Variants in NF1 observed in about 807,000 individuals in gnomAD.
NF1 encodes the protein neurofibromin.
NF1 carries 122 observed loss-of-function variants against 325.7 expected under a neutral mutation model. The observed-to-expected ratio is 0.37, with a 90% CI of 0.32 to 0.44. NF1 has a LOEUF of 0.44. NF1 is among the 20% of genes least tolerant of loss of function. NF1 has a pLI of 1.00. For missense variants in NF1, 2,140 were observed against 3,415.4 expected, an observed-to-expected ratio of 0.63 and a Z score of 9.31; for synonymous variants, 1,091 against 1,186.0, an observed-to-expected ratio of 0.92 and a Z score of 1.65.
rs2067089793 is a variant in NF1 at position 31,230,252 on chromosome 17, C to G, written c.2991-8C>G. 2 of 1,611,168 alleles carry G rather than the reference C, an allele frequency of 1.2e-6. No individual in the cohort carries two copies. The highest frequency in any genetic ancestry group is 8.5e-7 in the Non-Finnish European group (1 of 1,178,266). On this transcript the variant is annotated splice_region_variant and splice_polypyrimidine_tract_variant and intron_variant, in intron 22 of 57. Transcript: ENST00000358273. Reference sequence around the variant, plus strand: ...GATAATTTTTTTATTGTTTCTATGTCTATATAGGTATGTTCGTGTGCTTGG... The same window carrying G: ...GATAATTTTTTTATTGTTTCTATGTGTATATAGGTATGTTCGTGTGCTTGG...
At chr17:31,255,454 A>G (rs2067567723) in intron 31 of NF1, among the ~76,000 whole-genome samples, 1 of 152,168 alleles carries the variant, frequency 6.6e-6, no homozygotes, top group African/African-American at 2.4e-5. Context: ...TTGACTTACG[A>G]AACTTGTTAT....
Position 31,376,422 on chromosome 17 carries a change from G to A in NF1, c.*2267G>A, listed in dbSNP as rs1287148731. On this transcript the variant is annotated 3_prime_UTR_variant, in exon 58 of 58. Transcript: ENST00000358273. ...CAGCATTGGCACAAATCAAAATTCAGCCGCCTTTGAAATGCAAAAATACCT... is the reference window on the plus strand; with the variant it reads ...CAGCATTGGCACAAATCAAAATTCAACCGCCTTTGAAATGCAAAAATACCT... 2 of 232,556 alleles carry A rather than the reference G, an allele frequency of 8.6e-6. No individual in the cohort carries two copies. Among genetic ancestry groups the A allele is most frequent in the Non-Finnish European group, 8.5e-6 (1 of 117,736 alleles). The allele number at this position is 232,556 out of a possible 1,614,324, so 14.4% of individuals were successfully genotyped here. A position where few individuals can be genotyped will look rare whatever the true frequency, so the allele number is the denominator to read the frequency against.
intron 1 of NF1, among the ~76,000 whole-genome samples, chr17:31,098,421 A>G (rs1004467692): frequency 2.0e-5 from 3 of 151,838 alleles, no homozygotes; most frequent in African/African-American, 2.4e-5. Flanking sequence ...CTGGAGTGCA[A>G]TGATGCGACC....
chr17:31,176,995 T>C (rs2066035481), intron 5 of NF1, among the ~76,000 whole-genome samples: 1 of 152,196 alleles, frequency 6.6e-6, no homozygotes, highest in Non-Finnish European at 1.5e-5. Context: ...CGGGCTCTTT[T>C]CTGGTTTCAT....
intron 36 of NF1, among the ~76,000 whole-genome samples, chr17:31,321,313 A>G (rs568076124): frequency 1.3e-5 from 2 of 152,298 alleles, no homozygotes; most frequent in South Asian, 2.1e-4. Context: ...GGCGATGGCA[A>G]ATTTTTTCAT....
chr17:31,182,951 G>A (rs531871966), intron 8 of NF1: 298 of 589,208 alleles, frequency 5.1e-4, no homozygotes, highest in African/African-American at 5.0e-3. Context: ...ATTATTAAAC[G>A]TAGTTTCTCT....
Position 31,281,123 on chromosome 17 carries a change from C to T in NF1, c.4835+15784C>T, listed in dbSNP as rs543671319. Among the ~76,000 whole-genome samples, 26 of 152,266 alleles carry T rather than the reference C, an allele frequency of 1.7e-4. No individual in the cohort carries two copies. The South Asian group carries it at 3.5e-3, about 21-fold the overall frequency. ...TCTTCATAATCTGTTATACAGCTCA[C>T]CTTACTTGCACGATTGCTGAGCCAA... is the stretch of plus-strand genomic sequence containing the variant. On this transcript the variant is annotated intron_variant, in intron 36 of 57. Coordinates refer to ENST00000358273, the MANE Select transcript of NF1 (RefSeq NM_001042492.3).
chr17:31,099,094 C>T (rs1230600816), intron 1 of NF1, among the ~76,000 whole-genome samples: 1 of 152,032 alleles, frequency 6.6e-6, no homozygotes, highest in Non-Finnish European at 1.5e-5. Context: ...CTTAACGCCC[C>T]CAGGGAGCAT....
At chr17:31,160,353 C>G (rs2065741410) in intron 3 of NF1, among the ~76,000 whole-genome samples, 1 of 152,104 alleles carries the variant, frequency 6.6e-6, no homozygotes. Flanking sequence ...CTCCCAAACT[C>G]CTGGGATTAC....
chr17:31,365,826 G>A (rs893284364), intron 57 of NF1, among the ~76,000 whole-genome samples: 1 of 152,090 alleles, frequency 6.6e-6, no homozygotes, highest in African/African-American at 2.4e-5. Flanking sequence ...AGTTCAAAGG[G>A]ACATTTGTGT....
At chr17:31,208,849 C>T (rs2066670773) in intron 12 of NF1, among the ~76,000 whole-genome samples, 1 of 152,066 alleles carries the variant, frequency 6.6e-6, no homozygotes, top group Non-Finnish European at 1.5e-5. Flanking sequence ...TGAGATGGCG[C>T]CATTGCACCC....
intron 29 of NF1, among the ~76,000 whole-genome samples, chr17:31,247,157 T>C (rs1263785331): frequency 7.2e-6 from 1 of 139,590 alleles, no homozygotes; most frequent in African/African-American, 2.7e-5. Flanking sequence ...ATTGTGCCAC[T>C]GCACTCCAGC....
At chr17:31,118,559 TGTTA>T (rs377118699) in intron 1 of NF1, among the ~76,000 whole-genome samples, 2,047 of 152,218 alleles carry the variant, frequency 0.013, 50 homozygotes, top group African/African-American at 0.046. Flanking sequence ...TCTGTTCCTG[TGTTA>T]GTTTGCTGAG....
intron 57 of NF1, among the ~76,000 whole-genome samples, chr17:31,368,456 C>T (rs1352688056): frequency 1.3e-5 from 2 of 152,076 alleles, no homozygotes; most frequent in African/African-American, 4.8e-5. Flanking sequence ...CTTATAGTTA[C>T]AATTTTTTAT....
intron 1 of NF1, among the ~76,000 whole-genome samples, chr17:31,132,364 A>G (rs1915454299): frequency 6.6e-6 from 1 of 152,036 alleles, no homozygotes; most frequent in Admixed American, 6.6e-5. Context: ...CAACATAGTG[A>G]CACCGTTTCT....
At position 31,343,005 on chromosome 17, in the gene NF1, A is replaced by G. The variant is rs749805168; in HGVS notation, c.7063-4A>G. 6.2e-7 allele frequency: 1 copy of G among 1,614,106 alleles called. No homozygotes were observed. Among genetic ancestry groups the G allele is most frequent in the Admixed American group, 1.7e-5 (1 of 60,008 alleles). On this transcript the variant is annotated splice_region_variant and splice_polypyrimidine_tract_variant and intron_variant, in intron 47 of 57. Transcript: ENST00000358273. ...ATCAACCATCTCATGATTATCTTTA[A>G]TAGAGTCCAGAGGAAGTATTTATGG...
chr17:31,332,578 T>TAAAAAAGAATA (rs1597837353), intron 39 of NF1, among the ~76,000 whole-genome samples: 6 of 106,582 alleles, frequency 5.6e-5, no homozygotes, highest in Admixed American at 2.6e-4. Context: ...ATCATGGTTT[T>TAAAAAAGAATA]TTTTTTTTTT....
At chr17:31,120,657 TGA>T (rs1463045522) in intron 1 of NF1, among the ~76,000 whole-genome samples, 1 of 152,114 alleles carries the variant, frequency 6.6e-6, no homozygotes, top group Admixed American at 6.5e-5. Context: ...ATAGGAGTGG[TGA>T]GAGAAGGCAT....
intron 1 of NF1, among the ~76,000 whole-genome samples, chr17:31,153,906 G>T (rs1220220709): frequency 6.6e-6 from 1 of 151,732 alleles, no homozygotes; most frequent in Non-Finnish European, 1.5e-5. Context: ...GAGCCATTGC[G>T]CATGTCCCCA....
Sources: allele counts gnomAD v4.1 joint callset (sites outside exome capture counted in the v4.1 genomes callset), GRCh38; gene constraint gnomAD v4.1.1; transcripts MANE v1.5; gene names NCBI Gene and HGNC (gene_info 2026-07-23, HGNC 2026-07-21).